The following MOB3A variants were observed in gnomAD, a reference collection of about 807,000 sequenced individuals.
MOB3A encodes MOB LAK.
MOB3A carries 17 observed loss-of-function variants against 17.8 expected under a neutral mutation model. The observed-to-expected ratio is 0.95, with a 90% CI of 0.65 to 1.43. The LOEUF is 1.43. MOB3A is among the 40% of genes most tolerant of loss of function. The pLI is 0.00. For missense variants in MOB3A, 333 were observed against 310.8 expected (o/e 1.07, Z -0.54); for synonymous variants, 124 against 133.2 (o/e 0.93, Z 0.48).
Position 2,086,508 on chromosome 19 carries a change from C to T in MOB3A, c.-273-1180G>A, listed in dbSNP as rs564467047. ...CTGTATAGCTGGGATTACAGACACA[C>T]GCCACCATGCCTGCCTAATTTTTGT... On this transcript the variant is annotated intron_variant, in intron 1 of 4. Transcript: ENST00000357066. Among the ~76,000 whole-genome samples, 59 of 151,476 alleles carry T rather than the reference C, an allele frequency of 3.9e-4. No homozygotes were observed. The Middle Eastern group carries it at 0.01, about 26-fold the overall frequency.
chr19:2,089,026 G>T (rs2017584302), intron 1 of MOB3A, among the ~76,000 whole-genome samples: 1 of 152,174 alleles, frequency 6.6e-6, no homozygotes, highest in Non-Finnish European at 1.5e-5. Flanking sequence ...CCTGCTTTCT[G>T]GGGAGCACTT....
chr19:2,085,816 T>C (rs976816793), intron 1 of MOB3A, among the ~76,000 whole-genome samples: 1 of 151,168 alleles, frequency 6.6e-6, no homozygotes, highest in African/African-American at 2.4e-5. Flanking sequence ...TACAAAAAAA[T>C]AGCCGGGCGT....
intron 2 of MOB3A, 50 bp downstream of exon 2, chr19:2,085,125 G>A (rs534639119): frequency 4.2e-4 from 64 of 152,232 alleles, no homozygotes; most frequent in African/African-American, 1.3e-3. Flanking sequence ...GGGTGGCCTC[G>A]GGACCCTGAC....
Position 2,082,944 on chromosome 19 carries a change from C to G in MOB3A, c.-120+2231G>C, listed in dbSNP as rs999902763. Among the ~76,000 whole-genome samples, 1 of 152,230 alleles carries G rather than the reference C, an allele frequency of 6.6e-6. No individual in the cohort carries two copies. Among genetic ancestry groups the G allele is most frequent in the East Asian group, 1.9e-4 (1 of 5,206 alleles). On this transcript the variant is annotated intron_variant, in intron 2 of 4. Coordinates refer to ENST00000357066, the MANE Select transcript of MOB3A (RefSeq NM_130807.3). The surrounding 1 kb of genome is among the most constrained non-coding windows in gnomAD (Gnocchi z 4.1). ...CCTCCTGCCTCAGCCTCCTGAGTAGCTGGGACCACGGGCACTCACTGCCAT... is the reference window on the plus strand; with the variant it reads ...CCTCCTGCCTCAGCCTCCTGAGTAGGTGGGACCACGGGCACTCACTGCCAT...
chr19:2,085,417 C>A (rs939906197), intron 1 of MOB3A, 89 bp from the exon 2 acceptor site: 2 of 147,226 alleles, frequency 1.4e-5, no homozygotes, highest in Admixed American at 6.9e-5. Flanking sequence ...CTCTAAGCAA[C>A]CAACTGGTAT....
intron 3 of MOB3A, among the ~76,000 whole-genome samples, chr19:2,077,551 C>T (rs1022437988): frequency 5.9e-5 from 9 of 152,128 alleles, no homozygotes; most frequent in Non-Finnish European, 1.2e-4. Flanking sequence ...GTCCCGCCAA[C>T]GGGGTGATGA....
At position 2,076,950 on chromosome 19, in the gene MOB3A, ACGCGGAACAG is replaced by A. The variant is rs752351072; in HGVS notation, c.475_484del (p.Leu159CysfsTer22). On this transcript the variant is annotated frameshift_variant, in exon 4 of 5. Coordinates refer to ENST00000357066, the MANE Select transcript of MOB3A (RefSeq NM_130807.3). LOFTEE classifies it high-confidence loss of function. ...GTGGTGGATGTAGACGTGCACGAAC[ACGCGGAACAG>A]CCGCGACAGGATCTTCCGCACCGTC... The A allele has an allele frequency of 5.0e-6, 8 of 1,613,832 alleles. No individual in the cohort carries two copies. Among genetic ancestry groups the A allele is most frequent in the Admixed American group, 1.7e-5 (1 of 59,996 alleles).
intron 4 of MOB3A, among the ~76,000 whole-genome samples, 166 bp downstream of exon 4, chr19:2,076,645 C>G (rs2017412752): frequency 6.6e-6 from 1 of 152,180 alleles, no homozygotes; most frequent in South Asian, 2.1e-4. Flanking sequence ...TCCCAGCTAC[C>G]TCACCACTTG....
At chr19:2,081,263 G>T (rs993055074) in intron 2 of MOB3A, among the ~76,000 whole-genome samples, 24 of 152,274 alleles carry the variant, frequency 1.6e-4, no homozygotes, top group Non-Finnish European at 2.6e-4. Flanking sequence ...CTGGGGGTCG[G>T]GGGGAAGAGA....
chr19:2,073,998 T>C (rs2017372994), intron 4 of MOB3A, among the ~76,000 whole-genome samples: 1 of 149,830 alleles, frequency 6.7e-6, no homozygotes, highest in Admixed American at 6.7e-5. Flanking sequence ...GCCACTGCAC[T>C]CCAGCCTGGG....
At chr19:2,088,671 T>C (rs994802567) in intron 1 of MOB3A, among the ~76,000 whole-genome samples, 23 of 152,254 alleles carry the variant, frequency 1.5e-4, no homozygotes, top group African/African-American at 5.3e-4. Flanking sequence ...GGTTTCACCA[T>C]ATTGGCCAGG....
intron 4 of MOB3A, among the ~76,000 whole-genome samples, 174 bp from the exon 5 acceptor site, chr19:2,073,598 C>T (rs1372794312): frequency 1.3e-5 from 2 of 152,120 alleles, no homozygotes; most frequent in East Asian, 3.9e-4. Context: ...GGGCAGCAGG[C>T]TACCCCATGA....
chr19:2,079,806 T>C (rs1180144827), intron 2 of MOB3A, among the ~76,000 whole-genome samples: 1 of 152,088 alleles, frequency 6.6e-6, no homozygotes, highest in African/African-American at 2.4e-5. Flanking sequence ...AGATGCCGGG[T>C]GATTCCAGGG....
rs764962668 is a variant in MOB3A, at chr19:2,078,464, T to C, written c.97A>G (p.Lys33Glu). Residue 33 changes from lysine to glutamate, a missense_variant, in exon 3 of 5, where the codon AAG becomes GAG. Physicochemically the swap from Lys to Glu is moderately conservative, Grantham distance 56. Transcript: ENST00000357066. Reference sequence around the variant, plus strand: ...GCGTTCAGCGACGCCTGCGCCTTCTTGTGCAGCTCGAAGCGCTGGGTGCCT... The same window carrying C: ...GCGTTCAGCGACGCCTGCGCCTTCTCGTGCAGCTCGAAGCGCTGGGTGCCT... ...EPGTQRFELH[K>E]KAQASLNAGL... 3.1e-6 allele frequency: 5 copies of C among 1,612,484 alleles called. No homozygotes were observed. Among genetic ancestry groups the C allele is most frequent in the Non-Finnish European group, 3.4e-6 (4 of 1,178,882 alleles).
At chr19:2,090,052 G>C (rs894220522) in intron 1 of MOB3A, 4 of 152,270 alleles carry the variant, frequency 2.6e-5, no homozygotes, top group African/African-American at 4.8e-5. Flanking sequence ...ACTCCACTGA[G>C]GGGATTCTGG....
chr19:2,092,240 A>G (rs903705782), intron 1 of MOB3A, among the ~76,000 whole-genome samples: 41 of 150,830 alleles, frequency 2.7e-4, no homozygotes, highest in African/African-American at 1.0e-3. Flanking sequence ...AGCTGGGACC[A>G]CAGGTGCACG....
chr19:2,086,771 T>C (rs2017558818), intron 1 of MOB3A, among the ~76,000 whole-genome samples: 1 of 151,982 alleles, frequency 6.6e-6, no homozygotes, highest in Non-Finnish European at 1.5e-5. Flanking sequence ...CCTGTCACTG[T>C]TTTGTGCTTT....
intron 2 of MOB3A, chr19:2,084,049 G>C (rs752537588): frequency 1.4e-5 from 6 of 436,166 alleles, no homozygotes; most frequent in Admixed American, 2.5e-5. Flanking sequence ...TGGGATTACA[G>C]GCGTGAGCCA....
chr19:2,083,351 C>T (rs1169753931), intron 2 of MOB3A, among the ~76,000 whole-genome samples: 1 of 152,226 alleles, frequency 6.6e-6, no homozygotes, highest in Non-Finnish European at 1.5e-5. Flanking sequence ...CTCAGCACCC[C>T]AGAGCCCTGC....
Sources: gnomAD v4.1 joint callset for allele counts (sites outside exome capture counted in the v4.1 genomes callset) on GRCh38, gnomAD v4.1.1 for gene constraint, Gnocchi (gnomAD v3.1) non-coding constraint, MANE v1.5 for transcripts, NCBI Gene and HGNC (gene_info 2026-07-23, HGNC 2026-07-21) for gene names.